Variants in CCDC15 observed in about 807,000 individuals in gnomAD.
CCDC15 encodes the protein coiled-coil domain containing 15.
A neutral mutation model predicts 114.5 loss-of-function variants in CCDC15; 105 were observed. That is an observed-to-expected ratio of 0.92 (90% confidence interval 0.78 to 1.08). The LOEUF is 1.08. CCDC15 is among the 50% of genes least tolerant of loss of function. CCDC15 has a pLI of 0.00. For synonymous variants in CCDC15, 334 were observed against 377.8 expected (o/e 0.88, Z 1.34); for missense variants, 1,105 against 1,093.6 (o/e 1.01, Z -0.15).
In CCDC15 at chr11:124,988,097, C is replaced by G. The variant is rs1238204270; in HGVS notation, c.1871C>G (p.Pro624Arg). 6.2e-7 allele frequency: 1 copy of G among 1,613,184 alleles called. No individual in the cohort carries two copies. Among genetic ancestry groups the G allele is most frequent in the African/African-American group, 1.3e-5 (1 of 74,834 alleles). ...HVLSNDQNIL[P>R]KCQDQDFLPK... ...CTCTCCAACGACCAGAATATTCTAC[C>G]CAAATGTCAGGACCAAGATTTTCTA... The change falls in exon 8 of 16, where the codon CCC (proline) becomes CGC (arginine). Residue 624 changes from proline to arginine, a missense_variant. By Grantham distance (103) the Pro-to-Arg change is moderately radical. Transcript: ENST00000344762.
chr11:125,017,630 T>G (rs1157907216), intron 13 of CCDC15, among the ~76,000 whole-genome samples: 2 of 152,100 alleles, frequency 1.3e-5, no homozygotes. Flanking sequence ...AAAAGAAAAG[T>G]TAACTGTAAA....
At chr11:124,984,608 C>T (rs1003913518) in intron 6 of CCDC15, among the ~76,000 whole-genome samples, 8 of 152,148 alleles carry the variant, frequency 5.3e-5, no homozygotes, top group Non-Finnish European at 8.8e-5. Flanking sequence ...GAATTCTGCC[C>T]ACCACCTCTC....
At chr11:124,960,030 G>A (rs985224895) in intron 4 of CCDC15, 27 bp downstream of exon 4, 21 of 1,500,490 alleles carry the variant, frequency 1.4e-5, no homozygotes, top group Non-Finnish European at 1.7e-5. Flanking sequence ...TTTATTTTAT[G>A]TCTATGATAT....
intron 13 of CCDC15, among the ~76,000 whole-genome samples, chr11:125,023,631 G>T (rs1199312372): frequency 2.0e-5 from 3 of 151,856 alleles, no homozygotes; most frequent in Non-Finnish European, 4.4e-5. Context: ...TTTAAAAAAC[G>T]ACAGATAAAA....
intron 13 of CCDC15, among the ~76,000 whole-genome samples, chr11:125,023,198 T>A (rs140022415): frequency 2.6e-4 from 39 of 152,078 alleles, no homozygotes; most frequent in African/African-American, 9.4e-4. Flanking sequence ...GTGAGGCTTA[T>A]TTTTTTGTAC....
At chr11:125,027,911 A>G (rs1948715520) in intron 13 of CCDC15, among the ~76,000 whole-genome samples, 1 of 152,070 alleles carries the variant, frequency 6.6e-6, no homozygotes, top group East Asian at 1.9e-4. Flanking sequence ...TGATTTTTGT[A>G]TAATGTGAGA....
chr11:125,041,287 A>T lies in CCDC15; in HGVS notation c.*576A>T, dbSNP rs1238675064. On this transcript the variant is annotated 3_prime_UTR_variant, in exon 16 of 16. Transcript: ENST00000344762. ...GTGACACTGGACATAGGAATTTTTAATTGTGTAATTTTCTGTTGCAAAAAG... is the reference window on the plus strand; with the variant it reads ...GTGACACTGGACATAGGAATTTTTATTTGTGTAATTTTCTGTTGCAAAAAG... The T allele has an allele frequency of 6.6e-6, 1 of 152,130 alleles. No individual in the cohort carries two copies. The highest frequency in any genetic ancestry group is 1.5e-5 in the Non-Finnish European group (1 of 68,006). The allele number at this position is 152,130 out of a possible 1,614,324, so 9.4% of individuals were successfully genotyped here. A position where few individuals can be genotyped will look rare whatever the true frequency, so the allele number is the denominator to read the frequency against.
intron 13 of CCDC15, among the ~76,000 whole-genome samples, chr11:125,030,648 G>A (rs1343805553): frequency 6.6e-6 from 1 of 152,174 alleles, no homozygotes; most frequent in Non-Finnish European, 1.5e-5. Flanking sequence ...CTGAGGAATG[G>A]TGCCATATTG....
Position 125,000,140 on chromosome 11 carries a change from G to A in CCDC15, c.2215-3727G>A, listed in dbSNP as rs529331551. Among the ~76,000 whole-genome samples, 220 of 152,188 alleles carry A rather than the reference G, an allele frequency of 1.4e-3. 8 individuals are homozygous for A. The South Asian group carries it at 0.043, about 30-fold the overall frequency. ...GGCCTCCCAAAGTGCTGGGATTACA[G>A]GCATGAGCCACCATGCCAGGCTAAT... On this transcript the variant is annotated intron_variant, in intron 11 of 15. Transcript: ENST00000344762.
At chr11:125,027,859 T>C (rs565010420) in intron 13 of CCDC15, among the ~76,000 whole-genome samples, 1 of 152,310 alleles carries the variant, frequency 6.6e-6, no homozygotes, top group African/African-American at 2.4e-5. Context: ...AAAATTTTTA[T>C]AGTTTCACGT....
At chr11:125,011,311 C>A (rs1471912154) in intron 13 of CCDC15, among the ~76,000 whole-genome samples, 2 of 151,210 alleles carry the variant, frequency 1.3e-5, no homozygotes, top group African/African-American at 4.9e-5. Context: ...GATCTCGACT[C>A]ACTGCAACCT....
At chr11:125,022,769 A>G (rs1277531764) in intron 13 of CCDC15, among the ~76,000 whole-genome samples, 2 of 151,964 alleles carry the variant, frequency 1.3e-5, no homozygotes, top group Non-Finnish European at 2.9e-5. Flanking sequence ...ACTACTGTTC[A>G]GAAAACAATA....
In CCDC15 at chr11:125,026,249, T is replaced by A. The variant is rs531117151; in HGVS notation, c.2412-12182T>A. On this transcript the variant is annotated intron_variant, in intron 13 of 15. Transcript: ENST00000344762. ...TGCTGAAACTGAAGTTCCAACCACC[T>A]GGATGGACGATTCCCCTCTGGCTAG... 2.1e-3 allele frequency among the ~76,000 whole-genome samples: 320 copies of A among 152,332 alleles called. 1 individual carries two copies. Among genetic ancestry groups the A allele is most frequent in the African/African-American group, 7.2e-3 (301 of 41,584 alleles).
At chr11:124,984,164 C>T (rs751791133) in intron 6 of CCDC15, among the ~76,000 whole-genome samples, 16 of 152,124 alleles carry the variant, frequency 1.1e-4, no homozygotes, top group Non-Finnish European at 2.2e-4. Flanking sequence ...GGTCTGCCTG[C>T]ACACACACAT....
In CCDC15 at chr11:125,039,069, G is replaced by A; in HGVS notation, c.2734G>A (p.Ala912Thr). The A allele has an allele frequency of 6.3e-7, 1 of 1,583,892 alleles. No individual in the cohort carries two copies. The highest frequency in any genetic ancestry group is 8.6e-7 in the Non-Finnish European group (1 of 1,161,270). The change falls in exon 15 of 16, where the codon GCA (alanine) becomes ACA (threonine). Residue 912 changes from alanine to threonine, a missense_variant and splice_region_variant. Coordinates refer to ENST00000344762, the MANE Select transcript of CCDC15 (RefSeq NM_025004.3). ...NNCIFYKNHR[A>T]YTRALHSFIN... is the part of the protein sequence containing the mutation. The stretch of plus-strand genomic sequence containing the variant: ...CTGTATTTTCTATAAAAACCACAGA[G>A]GTAAGTTTCTTGAAGGAATAGTCAG...
At chr11:124,990,732 A>T (rs746326094) in intron 8 of CCDC15, among the ~76,000 whole-genome samples, 2 of 152,142 alleles carry the variant, frequency 1.3e-5, no homozygotes, top group African/African-American at 4.8e-5. Flanking sequence ...GAACAATTTA[A>T]TTTTTTATTT....
chr11:125,021,929 C>T (rs948127454), intron 13 of CCDC15, among the ~76,000 whole-genome samples: 1 of 151,866 alleles, frequency 6.6e-6, no homozygotes, highest in East Asian at 1.9e-4. Flanking sequence ...TCATTATTCA[C>T]AGGAAAATCT....
In CCDC15 at chr11:124,977,531, AGAGTTG is replaced by A; in HGVS notation, c.685_690del (p.Glu229_Leu230del). The A allele has an allele frequency of 1.2e-6, 2 of 1,607,778 alleles. No homozygotes were observed. The highest frequency in any genetic ancestry group is 1.7e-6 in the Non-Finnish European group (2 of 1,176,850). On this transcript the variant is annotated inframe_deletion, in exon 6 of 16. Coordinates refer to ENST00000344762, the MANE Select transcript of CCDC15 (RefSeq NM_025004.3). ...CTGGGATAAATACAGGAATAAGAGG[AGAGTTG>A]CCCATTAAGGTCCATCAAGGTCTTT...
In CCDC15 at chr11:124,987,064, T is replaced by C. The variant is rs925662392; in HGVS notation, c.901-63T>C. The C allele has an allele frequency of 5.7e-6, 8 of 1,402,812 alleles. No individual in the cohort carries two copies. The South Asian group carries it at 1.3e-4, about 23-fold the overall frequency. 86.9% of individuals were successfully genotyped at this position (1,402,812 alleles called of 1,614,324 possible). A position where few individuals can be genotyped will look rare whatever the true frequency, so the allele number is the denominator to read the frequency against. On this transcript the variant is annotated intron_variant, in intron 7 of 15. Transcript: ENST00000344762. ...TATCATTTTGATATTTCGATTATTTTGGAAAATCTAGAGTATTGCTACTAA... is the reference window on the plus strand; with the variant it reads ...TATCATTTTGATATTTCGATTATTTCGGAAAATCTAGAGTATTGCTACTAA...
Sources: gnomAD v4.1 joint callset for allele counts (sites outside exome capture counted in the v4.1 genomes callset) on GRCh38, gnomAD v4.1.1 for gene constraint, MANE v1.5 for transcripts, NCBI Gene and HGNC (gene_info 2026-07-23, HGNC 2026-07-21) for gene names.